The following MARCHF1 variants were observed in gnomAD, a reference collection of about 807,000 sequenced individuals.
MARCHF1 encodes E3 ubiquitin-protein ligase MARCHF1.
MARCHF1 carries 40 observed loss-of-function variants against 54.2 expected under a neutral mutation model. The observed-to-expected ratio is 0.74, with a 90% confidence interval of 0.57 to 0.96. The LOEUF (loss-of-function observed/expected upper bound fraction) is 0.96. Ranked by LOEUF, MARCHF1 falls within the 40% of genes least tolerant of loss-of-function variation. The pLI is 0.00. For synonymous variants in MARCHF1, 236 were observed against 236.3 expected (o/e 1.00, Z 0.01); for missense variants, 586 against 656.5 (o/e 0.89, Z 1.17).
chr4:164,122,430 G>T (rs74207024), intron 1 of MARCHF1, among the ~76,000 whole-genome samples: 1 of 152,004 alleles, frequency 6.6e-6, no homozygotes, highest in Non-Finnish European at 1.5e-5. Flanking sequence ...TTTGTCAGCC[G>T]CATGTACAGT....
At chr4:164,346,293 C>T (rs1730093971) in intron 1 of MARCHF1, among the ~76,000 whole-genome samples, 1 of 152,056 alleles carries the variant, frequency 6.6e-6, no homozygotes, top group Non-Finnish European at 1.5e-5. Flanking sequence ...TAGAATTTTA[C>T]GTTCTATAAA....
At chr4:163,900,350 T>A (rs28391473) in intron 3 of MARCHF1, among the ~76,000 whole-genome samples, 18,393 of 104,474 alleles carry the variant, frequency 0.18, 1,196 homozygotes, top group East Asian at 0.23. Context: ...TTTTTTTTTT[T>A]TAAAAAAACT....
chr4:163,870,711 T>C (rs6815284), intron 3 of MARCHF1, among the ~76,000 whole-genome samples: 61,013 of 151,832 alleles, frequency 0.4, 13,451 homozygotes, highest in East Asian at 0.56. Flanking sequence ...TGGAGGACAT[T>C]ATGTTAAGTG....
At chr4:163,955,619 C>T (rs1016269882) in intron 3 of MARCHF1, among the ~76,000 whole-genome samples, 1 of 152,102 alleles carries the variant, frequency 6.6e-6, no homozygotes, top group African/African-American at 2.4e-5. Flanking sequence ...ATTCACTCTT[C>T]TTGAAGATCG....
chr4:164,009,730 C>G (rs1753376585), intron 2 of MARCHF1, among the ~76,000 whole-genome samples: 1 of 151,672 alleles, frequency 6.6e-6, no homozygotes, highest in Admixed American at 6.6e-5. Flanking sequence ...AAGCATTTGA[C>G]AAAATTCAAC....
At chr4:164,132,455 A>T (rs1463716749) in intron 1 of MARCHF1, among the ~76,000 whole-genome samples, 1 of 152,160 alleles carries the variant, frequency 6.6e-6, no homozygotes, top group Non-Finnish European at 1.5e-5. Context: ...AATACATTAG[A>T]GGTGATTTTC....
intron 3 of MARCHF1, among the ~76,000 whole-genome samples, chr4:163,942,092 G>T (rs925017403): frequency 2.0e-5 from 3 of 152,078 alleles, no homozygotes; most frequent in African/African-American, 7.2e-5. Context: ...CAATAAAACA[G>T]CATGTTAAAA....
At chr4:164,044,423 T>C (rs766330893) in intron 2 of MARCHF1, among the ~76,000 whole-genome samples, 31 of 151,970 alleles carry the variant, frequency 2.0e-4, no homozygotes, top group Non-Finnish European at 3.4e-4. Context: ...CCACAAACTT[T>C]TAAACAACCA....
chr4:164,321,907 G>C (rs1185150164), intron 1 of MARCHF1, among the ~76,000 whole-genome samples: 3 of 151,972 alleles, frequency 2.0e-5, no homozygotes, highest in Admixed American at 1.3e-4. Context: ...TGTGCCTACT[G>C]ACTGCTTATA....
intron 7 of MARCHF1, among the ~76,000 whole-genome samples, chr4:163,601,223 ATATAAAT>A (rs1740953003): frequency 6.6e-6 from 1 of 152,230 alleles, no homozygotes; most frequent in African/African-American, 2.4e-5. Flanking sequence ...TTCAAGCTAT[ATATAAAT>A]TCTCAGCTAT....
At chr4:164,250,984 T>C (rs1174452045) in intron 1 of MARCHF1, among the ~76,000 whole-genome samples, 1 of 152,164 alleles carries the variant, frequency 6.6e-6, no homozygotes. Context: ...TGAAAATACT[T>C]GAGTAATGTC....
intron 3 of MARCHF1, among the ~76,000 whole-genome samples, chr4:163,957,066 TTATA>T: frequency 6.6e-6 from 1 of 152,164 alleles, no homozygotes; most frequent in Middle Eastern, 3.4e-3. Context: ...TGCTAAATAA[TTATA>T]TAAAGGTAAA....
intron 5 of MARCHF1, among the ~76,000 whole-genome samples, chr4:163,641,391 G>C (rs1742549894): frequency 6.6e-6 from 1 of 152,004 alleles, no homozygotes; most frequent in African/African-American, 2.4e-5. Context: ...AAAAATTATG[G>C]CTATTTTCAG....
chr4:163,711,469 A>G (rs1316756777), intron 4 of MARCHF1, among the ~76,000 whole-genome samples: 1 of 152,140 alleles, frequency 6.6e-6, no homozygotes, highest in Non-Finnish European at 1.5e-5. Context: ...CAGGAGGCAC[A>G]CCCGGTTGGA....
At chr4:164,137,408 A>G (rs1393491753) in intron 1 of MARCHF1, among the ~76,000 whole-genome samples, 1 of 152,212 alleles carries the variant, frequency 6.6e-6, no homozygotes, top group East Asian at 1.9e-4. Flanking sequence ...CATGACAGAC[A>G]AAACTTGATG....
chr4:163,579,305 A>C (rs1740139076), intron 8 of MARCHF1, among the ~76,000 whole-genome samples: 1 of 152,246 alleles, frequency 6.6e-6, no homozygotes, highest in Non-Finnish European at 1.5e-5. Context: ...TTGCACTTCT[A>C]AGAGTTTAGG....
At chr4:163,586,221 C>A (rs11941895) in intron 7 of MARCHF1, among the ~76,000 whole-genome samples, 2,555 of 152,212 alleles carry the variant, frequency 0.017, 72 homozygotes, top group African/African-American at 0.058. Context: ...GTGCACAACC[C>A]AAAGTTTATT....
intron 1 of MARCHF1, among the ~76,000 whole-genome samples, chr4:164,279,643 C>T (rs1401468077): frequency 1.3e-5 from 2 of 151,398 alleles, no homozygotes; most frequent in South Asian, 4.2e-4. Context: ...ACTCTGTATC[C>T]CACGAATATG....
rs138138443 is a variant in MARCHF1 at position 163,818,604 on chromosome 4, C to T, written c.111+35417G>A. ...CTGGCCATCCTTGCCCTGAACCCAG[C>T]CTTTTATCTGTCCCTCATTTCCCAA... On this transcript the variant is annotated intron_variant, in intron 4 of 9. Transcript: ENST00000514618. Among the ~76,000 whole-genome samples the T allele has an allele frequency of 6.5e-3, 987 of 152,232 alleles. 4 individuals carry two copies. Among genetic ancestry groups the T allele is most frequent in the Non-Finnish European group, 0.011 (737 of 68,010 alleles).
Sources: gnomAD v4.1 joint callset for allele counts (sites outside exome capture counted in the v4.1 genomes callset) on GRCh38, gnomAD v4.1.1 for gene constraint, MANE v1.5 for transcripts, NCBI Gene and HGNC (gene_info 2026-07-23, HGNC 2026-07-21) for gene names.